Variants in RASGRF2 observed in about 807,000 individuals in gnomAD.
RASGRF2 encodes ras-specific guanine nucleotide-releasing factor 2.
A neutral mutation model predicts 151.0 loss-of-function variants in RASGRF2; 76 were observed. The ratio of observed to expected loss-of-function variants is 0.50; its 90% CI spans 0.42 to 0.61. RASGRF2 has a LOEUF of 0.61. RASGRF2 is among the 20% of genes least tolerant of loss of function. The probability of loss-of-function intolerance (pLI) is 0.00; values close to 1 mark genes in which losing one functional copy is unlikely to be tolerated. For synonymous variants in RASGRF2, 504 were observed against 566.5 expected (o/e 0.89, Z 1.57); for missense variants, 1,148 against 1,564.6 (o/e 0.73, Z 4.49).
At chr5:80,968,397 AT>A (rs548770448) in intron 1 of RASGRF2, among the ~76,000 whole-genome samples, 43 of 152,092 alleles carry the variant, frequency 2.8e-4, no homozygotes, top group Admixed American at 2.7e-3. Flanking sequence ...AGTTCCAGAC[AT>A]TGTATTATTT....
intron 1 of RASGRF2, among the ~76,000 whole-genome samples, chr5:81,024,147 G>A (rs1749926835): frequency 6.6e-6 from 1 of 151,470 alleles, no homozygotes; most frequent in South Asian, 2.1e-4. Context: ...CTCAGTCACT[G>A]ATGACATGCA....
intron 1 of RASGRF2, among the ~76,000 whole-genome samples, chr5:80,990,052 G>A (rs1580172977): frequency 6.6e-6 from 1 of 152,066 alleles, no homozygotes; most frequent in Non-Finnish European, 1.5e-5. Context: ...GAGGGCAGAT[G>A]GCTTTGTGTA....
At chr5:81,085,703 A>C (rs1298743063) in intron 7 of RASGRF2, 99 bp from the exon 8 acceptor site, 6 of 1,528,040 alleles carry the variant, frequency 3.9e-6, no homozygotes, top group Non-Finnish European at 5.3e-6. Context: ...AAAGTGGGAG[A>C]GTAGAGACAA....
intron 26 of RASGRF2, among the ~76,000 whole-genome samples, chr5:81,222,156 G>C (rs1413446478): frequency 6.6e-6 from 1 of 152,154 alleles, no homozygotes; most frequent in Non-Finnish European, 1.5e-5. Context: ...TCAGCTGACA[G>C]AGCATAGGAA....
At chr5:81,111,252 A>G (rs1325295054) in intron 13 of RASGRF2, among the ~76,000 whole-genome samples, 1 of 152,186 alleles carries the variant, frequency 6.6e-6, no homozygotes, top group African/African-American at 2.4e-5. Flanking sequence ...TCAGGACTTC[A>G]TTGATCGCCG....
chr5:81,051,554 G>A (rs1426102771), intron 2 of RASGRF2, among the ~76,000 whole-genome samples: 1 of 152,072 alleles, frequency 6.6e-6, no homozygotes, highest in African/African-American at 2.4e-5. Context: ...GCTCATTCTG[G>A]ACATTTCATA....
chr5:81,111,332 C>T (rs1752986670), intron 13 of RASGRF2, among the ~76,000 whole-genome samples: 1 of 152,106 alleles, frequency 6.6e-6, no homozygotes, highest in Non-Finnish European at 1.5e-5. Flanking sequence ...TGGTGGTCCT[C>T]GTTGTCCACT....
At position 81,188,525 on chromosome 5, in the gene RASGRF2, G is replaced by A. The variant is rs114579852; in HGVS notation, c.2793+8244G>A. Among the ~76,000 whole-genome samples, 991 of 152,180 alleles carry A rather than the reference G, an allele frequency of 6.5e-3. 6 individuals are homozygous for A. The highest frequency in any genetic ancestry group is 0.01 in the Non-Finnish European group (706 of 68,006). ...GATATGGGGCACATGGTCTTTTATG[G>A]GTGACTTGAGAACCTGATTCTTAGA... is the stretch of plus-strand genomic sequence containing the variant. On this transcript the variant is annotated intron_variant, in intron 18 of 26. Transcript: ENST00000265080.
At chr5:81,159,467 G>C (rs146471721) in intron 17 of RASGRF2, among the ~76,000 whole-genome samples, 1 of 152,196 alleles carries the variant, frequency 6.6e-6, no homozygotes. Flanking sequence ...AAAAGACCAC[G>C]TACTCTACGA....
chr5:81,085,053 A>G (rs1752191066), intron 7 of RASGRF2, among the ~76,000 whole-genome samples: 1 of 152,212 alleles, frequency 6.6e-6, no homozygotes, highest in Non-Finnish European at 1.5e-5. Context: ...AGAGGACTGG[A>G]CACATTGGCA....
chr5:81,137,096 T>C (rs1420470831), intron 17 of RASGRF2, among the ~76,000 whole-genome samples: 1 of 152,210 alleles, frequency 6.6e-6, no homozygotes, highest in Non-Finnish European at 1.5e-5. Flanking sequence ...TTTGACCTTA[T>C]GATGGTGTGA....
chr5:81,017,072 T>C (rs1030202754), intron 1 of RASGRF2, among the ~76,000 whole-genome samples: 1 of 152,142 alleles, frequency 6.6e-6, no homozygotes, highest in African/African-American at 2.4e-5. Flanking sequence ...CATGAACACA[T>C]TTATCTGAGG....
intron 17 of RASGRF2, among the ~76,000 whole-genome samples, chr5:81,140,030 C>T (rs540794927): frequency 1.4e-4 from 22 of 152,088 alleles, no homozygotes; most frequent in South Asian, 1.2e-3. Flanking sequence ...GGTCTCTCCA[C>T]GTTGCCCAGG....
intron 1 of RASGRF2, among the ~76,000 whole-genome samples, chr5:81,023,727 G>C (rs1163897356): frequency 1.3e-5 from 2 of 152,050 alleles, no homozygotes; most frequent in Non-Finnish European, 2.9e-5. Context: ...CTTTTAATTG[G>C]GTTCCCAAGC....
At chr5:81,207,784 C>CG (rs938273722) in intron 21 of RASGRF2, among the ~76,000 whole-genome samples, 1 of 152,200 alleles carries the variant, frequency 6.6e-6, no homozygotes, top group Non-Finnish European at 1.5e-5. Context: ...GGGCAACATG[C>CG]GGTACAAGCC....
chr5:81,030,882 A>G (rs1306624689), intron 1 of RASGRF2, among the ~76,000 whole-genome samples: 1 of 152,218 alleles, frequency 6.6e-6, no homozygotes, highest in Non-Finnish European at 1.5e-5. Context: ...AAGACCCATC[A>G]GTGTGCTGTA....
chr5:81,187,761 G>C (rs1168743676), intron 18 of RASGRF2, among the ~76,000 whole-genome samples: 1 of 152,142 alleles, frequency 6.6e-6, no homozygotes, highest in Non-Finnish European at 1.5e-5. Context: ...TGTGCTCAAG[G>C]TCTCAGGGAT....
At chr5:81,181,023 A>G (rs539153903) in intron 18 of RASGRF2, among the ~76,000 whole-genome samples, 2 of 152,126 alleles carry the variant, frequency 1.3e-5, no homozygotes, top group South Asian at 4.1e-4. Context: ...GCACCCTGCA[A>G]GGAGCATTTG....
chr5:81,087,605 C>T (rs1420180316), intron 9 of RASGRF2: 3 of 550,292 alleles, frequency 5.5e-6, no homozygotes, highest in African/African-American at 1.9e-5. Flanking sequence ...AAGCAACAGC[C>T]TGACAGTGCC....
Sources: gnomAD v4.1 joint callset for allele counts (sites outside exome capture counted in the v4.1 genomes callset) on GRCh38, gnomAD v4.1.1 for gene constraint, MANE v1.5 for transcripts, NCBI Gene and HGNC (gene_info 2026-07-23, HGNC 2026-07-21) for gene names.